Variants in HEATR5A observed in about 807,000 individuals in gnomAD.
The protein encoded by HEATR5A is HEAT repeat-containing protein 5A.
Under a neutral mutation model 218.8 loss-of-function variants are expected in HEATR5A, and 178 were observed. The observed-to-expected ratio is 0.81, with a 90% CI of 0.72 to 0.92. The LOEUF (loss-of-function observed/expected upper bound fraction) is 0.92, where lower values mean the gene tolerates loss of function less well. HEATR5A is among the 40% of genes least tolerant of loss of function. The pLI is 0.00. For synonymous variants in HEATR5A, 864 were observed against 871.6 expected (o/e 0.99, Z 0.15); for missense variants, 2,420 against 2,418.9 (o/e 1.00, Z -0.01).
intron 1 of HEATR5A, among the ~76,000 whole-genome samples, chr14:31,407,848 G>A (rs1345134680): frequency 2.6e-5 from 4 of 152,076 alleles, no homozygotes; most frequent in South Asian, 2.1e-4. Context: ...GGCTGGTCTC[G>A]AACTCCTGAA....
chr14:31,350,542 G>T, intron 17 of HEATR5A, 70 bp downstream of exon 17: 1 of 830,256 alleles, frequency 1.2e-6, no homozygotes, highest in South Asian at 1.6e-5. Context: ...ATCATCCTCC[G>T]ACAAACTTCA....
Position 31,323,898 on chromosome 14 carries a change from T to C in HEATR5A, c.3548-94A>G, listed in dbSNP as rs1900183800. 8.7e-6 allele frequency: 7 copies of C among 807,036 alleles called. No homozygotes were observed. The East Asian group carries it at 1.6e-4, about 19-fold the overall frequency. 50.0% of individuals were successfully genotyped at this position (807,036 alleles called of 1,614,324 possible). On this transcript the variant is annotated intron_variant, in intron 23 of 35. Transcript: ENST00000543095. ...CAAAAAAATGACTTCAAATTCAGAC[T>C]AGAATTGCTCAACTATCAATTGCTA... is the stretch of plus-strand genomic sequence containing the variant.
intron 26 of HEATR5A, 45 bp downstream of exon 26, chr14:31,318,179 T>C (rs1385327072): frequency 2.0e-6 from 3 of 1,517,664 alleles, no homozygotes; most frequent in Non-Finnish European, 2.7e-6. Flanking sequence ...ACTGGAGGAC[T>C]GCTTCCCAAG....
chr14:31,394,935 C>T (rs1248596016), intron 5 of HEATR5A, among the ~76,000 whole-genome samples: 2 of 152,116 alleles, frequency 1.3e-5, no homozygotes, highest in Non-Finnish European at 2.9e-5. Flanking sequence ...TTTTAATTTA[C>T]ACAATTACGG....
intron 21 of HEATR5A, chr14:31,340,580 GTTA>G: frequency 4.5e-6 from 3 of 668,558 alleles, no homozygotes; most frequent in Admixed American, 3.0e-5. Flanking sequence ...AATGTTGATA[GTTA>G]TTATTTAAAT....
intron 16 of HEATR5A, among the ~76,000 whole-genome samples, chr14:31,358,434 T>C (rs1235633505): frequency 6.6e-6 from 1 of 152,242 alleles, no homozygotes; most frequent in Non-Finnish European, 1.5e-5. Flanking sequence ...AGCAAAGTAT[T>C]GTATCCACAA....
intron 23 of HEATR5A, among the ~76,000 whole-genome samples, chr14:31,324,483 A>G (rs902703833): frequency 1.3e-5 from 2 of 152,168 alleles, no homozygotes; most frequent in African/African-American, 4.8e-5. Context: ...TAGAATACCA[A>G]ACATGTCACA....
At chr14:31,390,186 G>A (rs1163220900) in intron 6 of HEATR5A, among the ~76,000 whole-genome samples, 2 of 152,164 alleles carry the variant, frequency 1.3e-5, no homozygotes, top group African/African-American at 4.8e-5. Context: ...GAGCAGTGGA[G>A]GGGGTAGGTA....
intron 13 of HEATR5A, among the ~76,000 whole-genome samples, chr14:31,368,282 T>A (rs1333628854): frequency 6.6e-6 from 1 of 152,096 alleles, no homozygotes; most frequent in Non-Finnish European, 1.5e-5. Context: ...CAGGCTCTCA[T>A]CAGACACCCA....
chr14:31,342,303 A>T (rs765444391), intron 21 of HEATR5A, among the ~76,000 whole-genome samples: 2 of 152,140 alleles, frequency 1.3e-5, no homozygotes, highest in African/African-American at 4.8e-5. Context: ...GGGGAGGATC[A>T]CTTGAGCCCA....
chr14:31,407,584 TTATATATATATATA>T (rs1039144242), intron 1 of HEATR5A, among the ~76,000 whole-genome samples: 1 of 1,338 alleles, frequency 7.5e-4, no homozygotes, highest in African/African-American at 9.6e-4. Flanking sequence ...CTTATTTTAT[TTATATATATATATA>T]TATATATATA....
At chr14:31,302,789 G>A (rs1268669816) in intron 32 of HEATR5A, 2 of 369,312 alleles carry the variant, frequency 5.4e-6, no homozygotes, top group South Asian at 3.6e-5. Context: ...TTTGGCAGTC[G>A]ATAAATGAAT....
At chr14:31,382,130 A>G (rs960602714) in intron 10 of HEATR5A, among the ~76,000 whole-genome samples, 1 of 152,250 alleles carries the variant, frequency 6.6e-6, no homozygotes, top group Non-Finnish European at 1.5e-5. Flanking sequence ...AATTCCAAAT[A>G]TAATATGGGA....
intron 22 of HEATR5A, among the ~76,000 whole-genome samples, chr14:31,328,890 GA>G (rs71112399): frequency 0.84 from 120,462 of 143,114 alleles, 51,189 homozygotes; most frequent in Non-Finnish European, 0.93. Flanking sequence ...GAAAGAAAAG[GA>G]AAAAAAAAAA....
chr14:31,294,301 G>A (rs61995528), intron 34 of HEATR5A, among the ~76,000 whole-genome samples, 197 bp from the exon 35 acceptor site: 3,979 of 152,128 alleles, frequency 0.026, 80 homozygotes, highest in Middle Eastern at 0.058. Flanking sequence ...TGGGAAAGAG[G>A]CATATAGGTA....
rs563863014 is a variant in HEATR5A, at chr14:31,411,154, AT to A, written c.-74-8106del. The stretch of plus-strand genomic sequence containing the variant: ...AATGGTTCAACTCTTTTAGAAAAAA[AT>A]ATTATTTATCAGAGGTTACAAAAAT... On this transcript the variant is annotated intron_variant, in intron 1 of 35. Coordinates refer to ENST00000543095, the MANE Select transcript of HEATR5A (RefSeq NM_015473.4). Among the ~76,000 whole-genome samples the A allele has an allele frequency of 1.6e-4, 25 of 152,200 alleles. No individual in the cohort carries two copies. In the South Asian group the frequency reaches 4.8e-3, roughly 29 times the overall value.
intron 16 of HEATR5A, among the ~76,000 whole-genome samples, chr14:31,355,345 G>A (rs1413662149): frequency 4.6e-5 from 7 of 151,906 alleles, no homozygotes; most frequent in African/African-American, 1.2e-4. Context: ...CCTGGGAGGC[G>A]GAGGTTGCAG....
intron 25 of HEATR5A, chr14:31,320,353 A>T: frequency 1.2e-6 from 1 of 862,258 alleles, no homozygotes; most frequent in Non-Finnish European, 2.0e-6. Context: ...CATAGACAAT[A>T]ATCAAGCTGC....
In HEATR5A at chr14:31,330,940, CTTTT is replaced by C. The variant is rs764303670; in HGVS notation, c.3368-4602_3368-4599del. ...CTTTTATATGCTCTGCTTCCCTCAC[CTTTT>C]TTTTTTTTTTTTTTTGAGACAGAGT... is the stretch of plus-strand genomic sequence containing the variant. On this transcript the variant is annotated intron_variant, in intron 22 of 35. Coordinates refer to ENST00000543095, the MANE Select transcript of HEATR5A (RefSeq NM_015473.4). Among the ~76,000 whole-genome samples, 2 of 75,948 alleles carry C rather than the reference CTTTT, an allele frequency of 2.6e-5. 1 individual carries two copies. Among genetic ancestry groups the C allele is most frequent in the African/African-American group, 9.5e-5 (2 of 21,140 alleles). 49.8% of individuals were successfully genotyped at this position (75,948 alleles called of 152,430 possible).
Sources: gnomAD v4.1 joint callset for allele counts (sites outside exome capture counted in the v4.1 genomes callset) on GRCh38, gnomAD v4.1.1 for gene constraint, MANE v1.5 for transcripts, NCBI Gene and HGNC (gene_info 2026-07-23, HGNC 2026-07-21) for gene names.